The following ABCG2 variants were observed in gnomAD, a reference collection of about 807,000 sequenced individuals.
ABCG2 encodes the protein ATP binding cassette subfamily G member 2 (JR blood group).
A neutral mutation model predicts 73.5 loss-of-function variants in ABCG2; 80 were observed. The observed-to-expected ratio is 1.09, with a 90% CI of 0.91 to 1.31. The LOEUF (loss-of-function observed/expected upper bound fraction) is 1.31. ABCG2 is among the 50% of genes most tolerant of loss of function. ABCG2 has a pLI of 0.00. For missense variants in ABCG2, 796 were observed against 786.2 expected (o/e 1.01, Z -0.15); for synonymous variants, 269 against 282.4 (o/e 0.95, Z 0.48).
chr4:88,167,957 C>T (rs368851633), intron 1 of ABCG2, among the ~76,000 whole-genome samples: 192 of 152,036 alleles, frequency 1.3e-3, no homozygotes, highest in African/African-American at 4.4e-3. Flanking sequence ...AGAGAAGTTA[C>T]CAAGATAGCA....
intron 2 of ABCG2, among the ~76,000 whole-genome samples, chr4:88,136,467 G>A (rs1255948191): frequency 6.6e-6 from 1 of 152,180 alleles, no homozygotes; most frequent in Non-Finnish European, 1.5e-5. Context: ...TTCAAAGAAT[G>A]AGGCAAGGTG....
intron 1 of ABCG2, among the ~76,000 whole-genome samples, chr4:88,195,690 G>A (rs192104148): frequency 5.9e-4 from 90 of 152,320 alleles, no homozygotes; most frequent in Non-Finnish European, 1.0e-3. Flanking sequence ...CCCATGCACA[G>A]TTTGACCTTT....
chr4:88,099,831 TAGA>T (rs1722272118), intron 11 of ABCG2, among the ~76,000 whole-genome samples: 1 of 152,168 alleles, frequency 6.6e-6, no homozygotes, highest in South Asian at 2.1e-4. Flanking sequence ...TTGGCAGGAA[TAGA>T]AGCTTTTCTT....
chr4:88,113,424 T>C lies in ABCG2; in HGVS notation c.1073A>G (p.Lys358Arg), dbSNP rs1191712445. ...CTCCTTGAAGACTGTGATCTTCTTC[T>C]TCTTCTCACCCCCGGAAAGTTGATG... is the stretch of plus-strand genomic sequence containing the variant. ...ELHQLSGGEK[K>R]KKITVFKEIS... The change falls in exon 9 of 16, where the codon AAG (lysine) becomes AGG (arginine). Residue 358 changes from lysine to arginine, a missense_variant. By Grantham distance (26) the Lys-to-Arg change is conservative. Transcript: ENST00000237612. 2 of 1,614,176 alleles carry C rather than the reference T, an allele frequency of 1.2e-6. No homozygotes were observed. The highest frequency in any genetic ancestry group is 1.7e-6 in the Non-Finnish European group (2 of 1,180,026).
intron 1 of ABCG2, among the ~76,000 whole-genome samples, chr4:88,147,230 G>T (rs1377508946): frequency 6.6e-6 from 1 of 152,178 alleles, no homozygotes; most frequent in Non-Finnish European, 1.5e-5. Context: ...CAGCTGTGAG[G>T]CTGAGGCAGG....
chr4:88,138,673 T>A (rs1056895165), intron 2 of ABCG2, among the ~76,000 whole-genome samples: 1 of 152,186 alleles, frequency 6.6e-6, no homozygotes, highest in Admixed American at 6.5e-5. Flanking sequence ...AAGGCCTTTC[T>A]CATGGATACT....
chr4:88,203,772 GAA>G (rs1229562351), intron 1 of ABCG2, among the ~76,000 whole-genome samples: 4 of 133,036 alleles, frequency 3.0e-5, no homozygotes, highest in East Asian at 4.4e-4. Flanking sequence ...AAAAAAAAAA[GAA>G]AGAAACTTAA....
At chr4:88,202,195 A>C (rs1278333457) in intron 1 of ABCG2, among the ~76,000 whole-genome samples, 2 of 151,282 alleles carry the variant, frequency 1.3e-5, no homozygotes, top group African/African-American at 2.4e-5. Flanking sequence ...ATAATGCCCC[A>C]TGTCAACTTT....
chr4:88,170,110 C>CA (rs1161275708), intron 1 of ABCG2, among the ~76,000 whole-genome samples: 2,679 of 56,960 alleles, frequency 0.047, 76 homozygotes, highest in Middle Eastern at 0.095. Context: ...GACTCCGTCT[C>CA]AAAAAAAAAA....
chr4:88,125,620 A>C (rs1258732560), intron 5 of ABCG2, among the ~76,000 whole-genome samples: 1 of 148,554 alleles, frequency 6.7e-6, no homozygotes, highest in Non-Finnish European at 1.5e-5. Context: ...AAAAAAAAAA[A>C]AAAAAAAAAA....
intron 1 of ABCG2, among the ~76,000 whole-genome samples, chr4:88,176,117 A>G (rs1388246647): frequency 1.3e-5 from 2 of 152,050 alleles, no homozygotes; most frequent in Admixed American, 6.6e-5. Context: ...TGCTCTGTCT[A>G]CAGATCTAAT....
At chr4:88,176,507 G>T in intron 1 of ABCG2, among the ~76,000 whole-genome samples, 1 of 130,848 alleles carries the variant, frequency 7.6e-6, no homozygotes, top group East Asian at 2.3e-4. Context: ...TTGTGACAGG[G>T]TCTCACTGTT....
chr4:88,137,891 A>G (rs1407154622), intron 2 of ABCG2, among the ~76,000 whole-genome samples: 1 of 152,238 alleles, frequency 6.6e-6, no homozygotes, highest in Non-Finnish European at 1.5e-5. Flanking sequence ...GCAGTGGCTC[A>G]TGCTTATAAC....
intron 11 of ABCG2, among the ~76,000 whole-genome samples, chr4:88,100,191 T>TAA (rs35345062): frequency 1.4e-5 from 2 of 142,938 alleles, no homozygotes; most frequent in African/African-American, 2.6e-5. Flanking sequence ...ACAAAAAAAT[T>TAA]AAAAAAAAAA....
intron 1 of ABCG2, among the ~76,000 whole-genome samples, chr4:88,228,153 AT>A (rs1730305485): frequency 1.3e-5 from 2 of 152,194 alleles, no homozygotes; most frequent in Non-Finnish European, 2.9e-5. Flanking sequence ...TCACAAAATG[AT>A]ATATGCACTT....
chr4:88,152,608 A>C (rs1297712111), intron 1 of ABCG2, among the ~76,000 whole-genome samples: 1 of 152,168 alleles, frequency 6.6e-6, no homozygotes, highest in Non-Finnish European at 1.5e-5. Context: ...AGGCAGGAAC[A>C]GGCCATTTTC....
intron 5 of ABCG2, among the ~76,000 whole-genome samples, chr4:88,128,256 A>AT (rs1724576868): frequency 6.6e-6 from 1 of 152,338 alleles, no homozygotes; most frequent in South Asian, 2.1e-4. Context: ...AGCGATGATT[A>AT]AAAAGTCAGG....
At chr4:88,188,041 G>A (rs189067614) in intron 1 of ABCG2, among the ~76,000 whole-genome samples, 7 of 152,300 alleles carry the variant, frequency 4.6e-5, no homozygotes, top group Admixed American at 2.0e-4. Flanking sequence ...CAGTGTCATA[G>A]CCTAAAAAGC....
At chr4:88,173,425 T>A (rs1326792227) in intron 1 of ABCG2, among the ~76,000 whole-genome samples, 1 of 152,174 alleles carries the variant, frequency 6.6e-6, no homozygotes, top group East Asian at 1.9e-4. Context: ...ACTGTAAAAT[T>A]ATGAATCTAA....
Sources: gnomAD v4.1 joint callset for allele counts (sites outside exome capture counted in the v4.1 genomes callset) on GRCh38, gnomAD v4.1.1 for gene constraint, MANE v1.5 for transcripts, NCBI Gene and HGNC (gene_info 2026-07-23, HGNC 2026-07-21) for gene names.